Variants in KSR2 observed in about 807,000 individuals in gnomAD.
KSR2 encodes kinase suppressor of ras 2.
Under a neutral mutation model 107.8 loss-of-function variants are expected in KSR2, and 25 were observed. The observed-to-expected ratio is 0.23, with a 90% confidence interval of 0.17 to 0.32. The LOEUF is 0.32. Ranked by LOEUF, KSR2 falls within the 10% of genes least tolerant of loss-of-function variation. The pLI is 1.00. For missense variants in KSR2, 887 were observed against 1,268.9 expected (o/e 0.70, Z 4.57); for synonymous variants, 480 against 507.0 (o/e 0.95, Z 0.71).
At chr12:117,916,222 C>A (rs1032647232) in intron 1 of KSR2, among the ~76,000 whole-genome samples, 1 of 150,974 alleles carries the variant, frequency 6.6e-6, no homozygotes, top group African/African-American at 2.4e-5. Context: ...CTGCAACCCC[C>A]GCCTCCCCAG....
chr12:117,760,045 G>A (rs600763), intron 4 of KSR2, among the ~76,000 whole-genome samples: 19,581 of 152,246 alleles, frequency 0.13, 1,617 homozygotes, highest in Non-Finnish European at 0.19. Flanking sequence ...GGAGGCAGAG[G>A]TTGCAGTGAG....
chr12:117,521,582 T>C (rs1457663874), intron 14 of KSR2, among the ~76,000 whole-genome samples: 1 of 152,230 alleles, frequency 6.6e-6, no homozygotes, highest in African/African-American at 2.4e-5. Context: ...TAGTTGGTTA[T>C]TACTCATTCC....
intron 3 of KSR2, among the ~76,000 whole-genome samples, chr12:117,823,298 G>A (rs1891629311): frequency 6.6e-6 from 1 of 152,170 alleles, no homozygotes; most frequent in Non-Finnish European, 1.5e-5. Context: ...AGACACTGAA[G>A]GGGAGCAAGA....
intron 5 of KSR2, among the ~76,000 whole-genome samples, chr12:117,646,989 CAG>C (rs1229949206): frequency 6.6e-6 from 1 of 151,958 alleles, no homozygotes; most frequent in African/African-American, 2.4e-5. Flanking sequence ...GAGGCAGAGA[CAG>C]AGACAGAGAT....
chr12:117,744,597 G>T (rs1044501922), intron 4 of KSR2, among the ~76,000 whole-genome samples: 1 of 152,208 alleles, frequency 6.6e-6, no homozygotes, highest in Non-Finnish European at 1.5e-5. Context: ...AGGGAAGGAA[G>T]AAAGGAAAGC....
intron 3 of KSR2, among the ~76,000 whole-genome samples, chr12:117,843,619 G>C (rs895890809): frequency 6.6e-6 from 1 of 152,204 alleles, no homozygotes; most frequent in Non-Finnish European, 1.5e-5. Flanking sequence ...GAAGGCAATG[G>C]GGAACAGAGG....
At chr12:117,479,424 G>C (rs563198125) in intron 16 of KSR2, among the ~76,000 whole-genome samples, 2 of 152,148 alleles carry the variant, frequency 1.3e-5, no homozygotes, top group Non-Finnish European at 2.9e-5. Flanking sequence ...TCTCAACCTT[G>C]GCACTATTGA....
rs547443446 is a variant in KSR2 at position 117,799,493 on chromosome 12, C to G, written c.473-37969G>C. On this transcript the variant is annotated intron_variant, in intron 3 of 19. Coordinates refer to ENST00000339824, the MANE Select transcript of KSR2 (RefSeq NM_173598.6). ...TCCAGACCAGGCAACAGAGCGAAGA[C>G]TCCACCAAAAAAAAAAAGAAAAAAA... Among the ~76,000 whole-genome samples, 17 of 146,896 alleles carry G rather than the reference C, an allele frequency of 1.2e-4. No individual in the cohort carries two copies. The East Asian group carries it at 2.7e-3, about 24-fold the overall frequency.
At chr12:117,662,284 G>C (rs898299556) in intron 5 of KSR2, among the ~76,000 whole-genome samples, 6 of 152,202 alleles carry the variant, frequency 3.9e-5, no homozygotes, top group Admixed American at 2.6e-4. Context: ...CAAGACACGA[G>C]CCTCTCCTCC....
chr12:117,872,425 A>G (rs1266216491), intron 1 of KSR2, among the ~76,000 whole-genome samples: 1 of 152,144 alleles, frequency 6.6e-6, no homozygotes, highest in Non-Finnish European at 1.5e-5. Flanking sequence ...TTAGTAAGGC[A>G]TGGTGCTGTG....
chr12:117,639,795 G>A (rs1458731388), intron 5 of KSR2, among the ~76,000 whole-genome samples: 2 of 151,964 alleles, frequency 1.3e-5, no homozygotes, highest in Non-Finnish European at 2.9e-5. Context: ...TCAATACCAG[G>A]AAGATCAAGG....
chr12:117,733,602 G>C (rs1887817473), intron 4 of KSR2, among the ~76,000 whole-genome samples: 1 of 152,200 alleles, frequency 6.6e-6, no homozygotes, highest in Non-Finnish European at 1.5e-5. Flanking sequence ...CCAAGAGCCT[G>C]CTGTATTTAC....
chr12:117,740,128 G>A (rs1888117072), intron 4 of KSR2, among the ~76,000 whole-genome samples: 1 of 140,290 alleles, frequency 7.1e-6, no homozygotes, highest in African/African-American at 2.7e-5. Flanking sequence ...TCATTCTTAT[G>A]CCTTTGCATC....
intron 3 of KSR2, among the ~76,000 whole-genome samples, chr12:117,814,252 A>G (rs1891295182): frequency 1.3e-5 from 2 of 152,334 alleles, no homozygotes; most frequent in South Asian, 4.1e-4. Flanking sequence ...ATAAATAGCT[A>G]GAAGAGAGAT....
At position 117,850,889 on chromosome 12, in the gene KSR2, A is replaced by G. The variant is rs139141477; in HGVS notation, c.472+4539T>C. On this transcript the variant is annotated intron_variant, in intron 3 of 19. Coordinates refer to ENST00000339824, the MANE Select transcript of KSR2 (RefSeq NM_173598.6). ...TTCCTGGGAATTGAATAGTGAGCAG[A>G]AACAAGTATGATCCCTGCCCTTTTG... is the stretch of plus-strand genomic sequence containing the variant. Among the ~76,000 whole-genome samples the G allele has an allele frequency of 3.9e-5, 6 of 152,326 alleles. No homozygotes were observed. In the East Asian group the frequency reaches 1.2e-3, roughly 29 times the overall value.
intron 14 of KSR2, among the ~76,000 whole-genome samples, chr12:117,496,047 C>A (rs1431166567): frequency 9.7e-6 from 1 of 103,334 alleles, no homozygotes; most frequent in African/African-American, 4.0e-5. Context: ...AGGGAGACTC[C>A]GTCTCAAAAA....
chr12:117,666,674 C>T (rs535927092), intron 5 of KSR2, among the ~76,000 whole-genome samples: 35 of 152,338 alleles, frequency 2.3e-4, no homozygotes, highest in South Asian at 6.2e-4. Context: ...AGCAACACAA[C>T]GTGCACAGCC....
intron 5 of KSR2, among the ~76,000 whole-genome samples, chr12:117,648,432 T>C (rs1347863675): frequency 6.6e-6 from 1 of 152,216 alleles, no homozygotes; most frequent in African/African-American, 2.4e-5. Flanking sequence ...GTAACCATTG[T>C]GCCCCTAGCA....
chr12:117,768,835 C>T (rs1451620872), intron 3 of KSR2, among the ~76,000 whole-genome samples: 2 of 152,220 alleles, frequency 1.3e-5, no homozygotes, highest in African/African-American at 4.8e-5. Flanking sequence ...GATGAGGAAA[C>T]TGAGGCACAG....
Sources: gnomAD v4.1 joint callset for allele counts (sites outside exome capture counted in the v4.1 genomes callset) on GRCh38, gnomAD v4.1.1 for gene constraint, MANE v1.5 for transcripts, NCBI Gene and HGNC (gene_info 2026-07-23, HGNC 2026-07-21) for gene names.